Variants in SEC61A1 observed in about 807,000 individuals in gnomAD.
The protein encoded by SEC61A1 is SEC61 translocon subunit alpha 1.
Under a neutral mutation model 55.2 loss-of-function variants are expected in SEC61A1, and 15 were observed. That is an observed-to-expected ratio of 0.27 (90% confidence interval 0.18 to 0.42). SEC61A1 has a LOEUF of 0.42. Ranked by LOEUF, SEC61A1 falls within the 10% of genes least tolerant of loss-of-function variation. SEC61A1 has a pLI of 1.00. For synonymous variants in SEC61A1, 247 were observed against 234.0 expected, an observed-to-expected ratio of 1.06 and a Z score of -0.51; for missense variants, 284 against 602.6, an observed-to-expected ratio of 0.47 and a Z score of 5.53.
intron 8 of SEC61A1, among the ~76,000 whole-genome samples, chr3:128,066,300 GA>G (rs1941975792): frequency 6.6e-6 from 1 of 152,130 alleles, no homozygotes; most frequent in African/African-American, 2.4e-5. Context: ...GCGCCCTTGG[GA>G]TTTGGGTGTG....
chr3:128,055,965 A>G (rs551846251), intron 4 of SEC61A1, among the ~76,000 whole-genome samples: 84 of 152,380 alleles, frequency 5.5e-4, no homozygotes, highest in African/African-American at 1.9e-3. Flanking sequence ...AATGCAGTAC[A>G]AAACCTGTAA....
Position 128,052,538 on chromosome 3 carries a change from C to G in SEC61A1, c.-15C>G, listed in dbSNP as rs201725471. 1.7e-4 allele frequency: 269 copies of G among 1,596,944 alleles called. 3 individuals are homozygous for G. In the East Asian group the frequency reaches 4.1e-3, roughly 24 times the overall value. ...CTGAGCTGAAGCGGGACCCGGAGCC[C>G]GAGCAGCCGCCGCCATGGCAAGTGA... is the stretch of plus-strand genomic sequence containing the variant. On this transcript the variant is annotated 5_prime_UTR_variant, in exon 1 of 12. Coordinates refer to ENST00000243253, the MANE Select transcript of SEC61A1 (RefSeq NM_013336.4).
rs1468574658 is a variant in SEC61A1 at position 128,052,747 on chromosome 3, CTCG to C, written c.8-83_8-81del. 2.0e-6 allele frequency: 3 copies of C among 1,505,018 alleles called. No homozygotes were observed. The African/African-American group carries it at 4.1e-5, about 21-fold the overall frequency. The allele number at this position is 1,505,018 out of a possible 1,614,324, so 93.2% of individuals were successfully genotyped here. A position where few individuals can be genotyped will look rare whatever the true frequency, so the allele number is the denominator to read the frequency against. ...CCGGCTCCCCTGGCCCCTGCTCTCA[CTCG>C]TCGTGGGCAGAAGGCGTCCCTGGGT... is the stretch of plus-strand genomic sequence containing the variant. On this transcript the variant is annotated intron_variant, in intron 1 of 11. Transcript: ENST00000243253.
intron 6 of SEC61A1, 42 bp downstream of exon 6, chr3:128,060,253 A>G (rs866034713): frequency 1.5e-6 from 2 of 1,366,990 alleles, no homozygotes; most frequent in African/African-American, 1.4e-5. Flanking sequence ...AGCCCCTCAC[A>G]CTTACCTACA....
intron 8 of SEC61A1, chr3:128,066,744 G>A: frequency 1.7e-6 from 1 of 579,092 alleles, no homozygotes; most frequent in African/African-American, 1.9e-5. Flanking sequence ...TTTTAAACCA[G>A]CTTTTCTGGG....
intron 8 of SEC61A1, 50 bp from the exon 9 acceptor site, chr3:128,066,904 C>T (rs745371940): frequency 6.3e-7 from 1 of 1,579,976 alleles, no homozygotes; most frequent in Non-Finnish European, 8.7e-7. Flanking sequence ...TTCTGTGCAG[C>T]AGGCTGAAAT....
At chr3:128,065,799 C>T (rs554769448) in intron 8 of SEC61A1, among the ~76,000 whole-genome samples, 6 of 128,544 alleles carry the variant, frequency 4.7e-5, no homozygotes, top group East Asian at 5.1e-4. Flanking sequence ...TGCAGTGGCG[C>T]GATCTCGACT....
chr3:128,068,122 A>G, intron 11 of SEC61A1, 63 bp downstream of exon 11: 1 of 1,338,612 alleles, frequency 7.5e-7, no homozygotes, highest in Non-Finnish European at 1.1e-6. Flanking sequence ...CTTTCCATGC[A>G]GGGCATCCTG....
At chr3:128,063,101 C>A (rs1941874217) in intron 7 of SEC61A1, among the ~76,000 whole-genome samples, 1 of 152,174 alleles carries the variant, frequency 6.6e-6, no homozygotes, top group African/African-American at 2.4e-5. Context: ...CTTCCCATTC[C>A]CTCAGCTACC....
Position 128,056,691 on chromosome 3 carries a change from C to A in SEC61A1, c.221-18C>A. 1 of 1,504,758 alleles carries A rather than the reference C, an allele frequency of 6.6e-7. No homozygotes were observed. The highest frequency in any genetic ancestry group is 1.3e-5 in the South Asian group (1 of 74,336). 93.2% of individuals were successfully genotyped at this position (1,504,758 alleles called of 1,614,324 possible). A position where few individuals can be genotyped will look rare whatever the true frequency, so the allele number is the denominator to read the frequency against. On this transcript the variant is annotated intron_variant, in intron 4 of 11. Coordinates refer to ENST00000243253, the MANE Select transcript of SEC61A1 (RefSeq NM_013336.4). ...TTCCAAGCTGATATTGACTGTTTTG[C>A]TTCCCCGTTTCCTCAAGGCACATTG...
At chr3:128,066,560 C>G (rs1021519434) in intron 8 of SEC61A1, 6 of 198,020 alleles carry the variant, frequency 3.0e-5, no homozygotes, top group Non-Finnish European at 6.2e-5. Flanking sequence ...GTAGCTGGGA[C>G]TACAGGCGCG....
intron 5 of SEC61A1, 22 bp downstream of exon 5, chr3:128,056,862 C>A (rs753532994): frequency 2.1e-5 from 32 of 1,514,618 alleles, no homozygotes; most frequent in Non-Finnish European, 2.8e-5. Flanking sequence ...TGTGAATAAT[C>A]TGATGTCTAT....
rs1448906812 is a variant in SEC61A1 at position 128,067,889 on chromosome 3, C to T, written c.1168-94C>T. The T allele has an allele frequency of 4.1e-6, 4 of 986,732 alleles. No individual in the cohort carries two copies. The highest frequency in any genetic ancestry group is 4.8e-6 in the Non-Finnish European group (3 of 621,774). The allele number at this position is 986,732 out of a possible 1,614,324, so 61.1% of individuals were successfully genotyped here. ...TCTCTGTATGAATATTGTCAGTGCT[C>T]GAAGAGGCGATCTGTAACTGTTCAG... On this transcript the variant is annotated intron_variant, in intron 10 of 11. Coordinates refer to ENST00000243253, the MANE Select transcript of SEC61A1 (RefSeq NM_013336.4). This position sits in a 1 kb window ranked among gnomAD's most constrained non-coding sequence, Gnocchi z 4.1.
At position 128,052,596 on chromosome 3, in the gene SEC61A1, G is replaced by T. The variant is rs375236250; in HGVS notation, c.7+37G>T. The T allele has an allele frequency of 2.8e-5, 44 of 1,585,314 alleles. 1 individual carries two copies. In the South Asian group the frequency reaches 4.8e-4, roughly 17 times the overall value. ...AGGGAAGCCCTATTGAGGCCGGGACGGAACAGATCCCCCTTCCCCACACCC... is the reference window on the plus strand; with the variant it reads ...AGGGAAGCCCTATTGAGGCCGGGACTGAACAGATCCCCCTTCCCCACACCC... On this transcript the variant is annotated intron_variant, in intron 1 of 11. Transcript: ENST00000243253.
intron 5 of SEC61A1, among the ~76,000 whole-genome samples, chr3:128,057,184 G>A (rs142875993): frequency 3.3e-5 from 5 of 152,208 alleles, no homozygotes; most frequent in East Asian, 1.9e-4. Context: ...CACCCGCCTC[G>A]GCCTCCCAAA....
upstream of SEC61A1, among the ~76,000 whole-genome samples, chr3:128,052,079 T>A (rs183160766): frequency 1.2e-3 from 179 of 152,114 alleles, no homozygotes; most frequent in African/African-American, 4.0e-3. Flanking sequence ...GCCACCAGGG[T>A]CTCCGCCTGC....
intron 11 of SEC61A1, 141 bp downstream of exon 11, chr3:128,068,200 ATAT>A: frequency 1.5e-6 from 1 of 648,856 alleles, no homozygotes; most frequent in South Asian, 1.8e-5. Flanking sequence ...TAAATGTTAT[ATAT>A]TTATAAACTT....
In SEC61A1 at chr3:128,067,624, C is replaced by T; in HGVS notation, c.1167+12C>T. ...CCTCTGCCAAAGATGTAAGTAGAAGCAAAACTTTCTGGAAGGGTGATGAAA... is the reference window on the plus strand; with the variant it reads ...CCTCTGCCAAAGATGTAAGTAGAAGTAAAACTTTCTGGAAGGGTGATGAAA... On this transcript the variant is annotated intron_variant, in intron 10 of 11. Coordinates refer to ENST00000243253, the MANE Select transcript of SEC61A1 (RefSeq NM_013336.4). This position sits in a 1 kb window ranked among gnomAD's most constrained non-coding sequence, Gnocchi z 4.1. 1 of 1,598,536 alleles carries T rather than the reference C, an allele frequency of 6.3e-7. No individual in the cohort carries two copies. Among genetic ancestry groups the T allele is most frequent in the Non-Finnish European group, 8.5e-7 (1 of 1,170,456 alleles).
At position 128,067,228 on chromosome 3, in the gene SEC61A1, A is replaced by C; in HGVS notation, c.975+77A>C. On this transcript the variant is annotated intron_variant, in intron 9 of 11. Transcript: ENST00000243253. The surrounding 1 kb of genome is among the most constrained non-coding windows in gnomAD (Gnocchi z 4.1). ...TTCTATCAGTGTCTTGCTCATGAACAGATATTTCATCCAAAGATATTTTCC... is the reference window on the plus strand; with the variant it reads ...TTCTATCAGTGTCTTGCTCATGAACCGATATTTCATCCAAAGATATTTTCC... 1 of 1,395,846 alleles carries C rather than the reference A, an allele frequency of 7.2e-7. No individual in the cohort carries two copies. The highest frequency in any genetic ancestry group is 1.0e-6 in the Non-Finnish European group (1 of 991,302). The allele number at this position is 1,395,846 out of a possible 1,614,324, so 86.5% of individuals were successfully genotyped here.
Sources: allele counts gnomAD v4.1 joint callset (sites outside exome capture counted in the v4.1 genomes callset), GRCh38; gene constraint gnomAD v4.1.1; non-coding constraint Gnocchi (gnomAD v3.1); transcripts MANE v1.5; gene names NCBI Gene and HGNC (gene_info 2026-07-23, HGNC 2026-07-21).